Variants in CDK14 observed in about 807,000 individuals in gnomAD.
CDK14 encodes the protein cyclin dependent kinase 14.
CDK14 carries 34 observed loss-of-function variants against 60.7 expected under a neutral mutation model. The observed-to-expected ratio is 0.56, with a 90% confidence interval of 0.43 to 0.75. The LOEUF is 0.75. Among genes scored for constraint, CDK14 ranks in the 30% least tolerant of loss-of-function variants. The pLI is 0.00. For synonymous variants in CDK14, 197 were observed against 203.7 expected (o/e 0.97, Z 0.28); for missense variants, 482 against 564.1 (o/e 0.85, Z 1.47).
At chr7:90,965,686 A>G (rs1794731959) in intron 9 of CDK14, among the ~76,000 whole-genome samples, 1 of 152,208 alleles carries the variant, frequency 6.6e-6, no homozygotes. Context: ...AAGAATGCAT[A>G]CATTAGAGAT....
intron 2 of CDK14, among the ~76,000 whole-genome samples, chr7:90,705,733 C>T (rs1801883834): frequency 6.6e-6 from 1 of 150,470 alleles, no homozygotes; most frequent in Non-Finnish European, 1.5e-5. Flanking sequence ...AAGGAAGAGG[C>T]ACATATAGGG....
intron 10 of CDK14, among the ~76,000 whole-genome samples, chr7:90,993,751 AATCTATTTTTT>A: frequency 6.6e-6 from 1 of 152,282 alleles, no homozygotes; most frequent in African/African-American, 2.4e-5. Flanking sequence ...CTAGATTTTT[AATCTATTTTTT>A]ATCTGAGACA....
chr7:90,981,447 C>T (rs1458221425), intron 9 of CDK14, among the ~76,000 whole-genome samples: 1 of 152,136 alleles, frequency 6.6e-6, no homozygotes, highest in Non-Finnish European at 1.5e-5. Context: ...TGTTTTTAGT[C>T]ATTATAACAC....
chr7:91,118,965 G>A (rs1274728214), intron 14 of CDK14, among the ~76,000 whole-genome samples: 1 of 152,032 alleles, frequency 6.6e-6, no homozygotes, highest in African/African-American at 2.4e-5. Context: ...GGCAACTTCT[G>A]AAAAGGCCAT....
chr7:90,956,974 A>G (rs1409861200), intron 9 of CDK14, among the ~76,000 whole-genome samples: 2 of 151,202 alleles, frequency 1.3e-5, no homozygotes, highest in Non-Finnish European at 2.9e-5. Flanking sequence ...ATAGTATTCC[A>G]TGGTGTATAT....
At chr7:91,171,930 GCACCCGGCC>G (rs1304365427) in intron 14 of CDK14, among the ~76,000 whole-genome samples, 17 of 152,142 alleles carry the variant, frequency 1.1e-4, no homozygotes, top group African/African-American at 4.1e-4. Context: ...GTGAGCCACT[GCACCCGGCC>G]CATATTTAGT....
At chr7:90,797,566 A>C (rs1788483741) in intron 5 of CDK14, among the ~76,000 whole-genome samples, 1 of 151,924 alleles carries the variant, frequency 6.6e-6, no homozygotes, top group Non-Finnish European at 1.5e-5. Flanking sequence ...GTATTAATCC[A>C]TTCTTGCACT....
chr7:90,920,505 A>G (rs1349983534), intron 8 of CDK14, among the ~76,000 whole-genome samples: 1 of 152,166 alleles, frequency 6.6e-6, no homozygotes, highest in Non-Finnish European at 1.5e-5. Context: ...TTTGAGAGAG[A>G]TGAGATTCAG....
intron 10 of CDK14, among the ~76,000 whole-genome samples, chr7:91,029,778 A>C (rs2115929071): frequency 6.6e-6 from 1 of 152,230 alleles, no homozygotes; most frequent in South Asian, 2.1e-4. Context: ...TGATTTTGTA[A>C]CTGAATTCAT....
At chr7:91,047,750 G>A (rs1797279003) in intron 11 of CDK14, among the ~76,000 whole-genome samples, 1 of 152,170 alleles carries the variant, frequency 6.6e-6, no homozygotes, top group Non-Finnish European at 1.5e-5. Flanking sequence ...AAAGCTCAGG[G>A]CTGTGAACCA....
chr7:90,966,979 T>C (rs1250861993), intron 9 of CDK14, among the ~76,000 whole-genome samples: 1 of 152,056 alleles, frequency 6.6e-6, no homozygotes, highest in Non-Finnish European at 1.5e-5. Flanking sequence ...ATTTCCTAAC[T>C]GACACTTTGG....
intron 1 of CDK14, chr7:90,597,071 T>C (rs1337249064): frequency 3.8e-6 from 1 of 263,310 alleles, no homozygotes; most frequent in African/African-American, 2.3e-5. Context: ...CCACTTGTTA[T>C]TTTTTGCGCA....
intron 2 of CDK14, among the ~76,000 whole-genome samples, chr7:90,660,640 A>G (rs1335455567): frequency 6.6e-6 from 1 of 152,242 alleles, no homozygotes; most frequent in East Asian, 1.9e-4. Flanking sequence ...ATACAATATC[A>G]GTGTCATACA....
intron 11 of CDK14, among the ~76,000 whole-genome samples, chr7:91,050,795 A>C (rs1251978227): frequency 6.6e-6 from 1 of 152,206 alleles, no homozygotes; most frequent in Non-Finnish European, 1.5e-5. Flanking sequence ...AGAAGCTTCC[A>C]ATCAGGAGAA....
At chr7:90,866,135 T>A (rs1460395686) in intron 6 of CDK14, among the ~76,000 whole-genome samples, 1 of 151,996 alleles carries the variant, frequency 6.6e-6, no homozygotes, top group Non-Finnish European at 1.5e-5. Context: ...TTATTTCAAT[T>A]ACAAAATGTG....
intron 6 of CDK14, among the ~76,000 whole-genome samples, chr7:90,871,805 A>G (rs914958547): frequency 3.3e-5 from 5 of 152,186 alleles, no homozygotes; most frequent in Non-Finnish European, 7.4e-5. Context: ...GATGTCAGAT[A>G]CTTCGTGCAT....
At chr7:91,077,796 A>C (rs1798368327) in intron 11 of CDK14, among the ~76,000 whole-genome samples, 1 of 152,056 alleles carries the variant, frequency 6.6e-6, no homozygotes, top group Non-Finnish European at 1.5e-5. Flanking sequence ...GATCATATAC[A>C]AAAAAATTCT....
intron 9 of CDK14, among the ~76,000 whole-genome samples, chr7:90,956,056 T>C (rs1044321937): frequency 3.3e-5 from 5 of 152,172 alleles, no homozygotes; most frequent in Non-Finnish European, 7.4e-5. Context: ...TTTTTCTAAC[T>C]GTCAGTATCA....
intron 2 of CDK14, among the ~76,000 whole-genome samples, chr7:90,667,731 G>A (rs149081985): frequency 6.6e-6 from 1 of 151,910 alleles, no homozygotes; most frequent in East Asian, 1.9e-4. Context: ...CACCACGCCC[G>A]GCTAATTTTT....
Sources: gnomAD v4.1 joint callset for allele counts (sites outside exome capture counted in the v4.1 genomes callset) on GRCh38, gnomAD v4.1.1 for gene constraint, MANE v1.5 for transcripts, NCBI Gene and HGNC (gene_info 2026-07-23, HGNC 2026-07-21) for gene names.